The following PALM2AKAP2 variants were observed in gnomAD, a reference collection of about 807,000 sequenced individuals.
The protein encoded by PALM2AKAP2 is PALM2-AKAP2 fusion protein.
A neutral mutation model predicts 71.5 loss-of-function variants in PALM2AKAP2; 37 were observed. The observed-to-expected ratio is 0.52, with a 90% confidence interval of 0.40 to 0.68. PALM2AKAP2 has a LOEUF of 0.68. Ranked by LOEUF, PALM2AKAP2 falls within the 30% of genes least tolerant of loss-of-function variation. PALM2AKAP2 has a pLI of 0.00. For missense variants in PALM2AKAP2, 1,224 were observed against 1,191.8 expected (o/e 1.03, Z -0.40); for synonymous variants, 468 against 478.8 (o/e 0.98, Z 0.29).
At chr9:110,145,705 G>C (rs532476762) in intron 2 of PALM2AKAP2, among the ~76,000 whole-genome samples, 1 of 151,646 alleles carries the variant, frequency 6.6e-6, no homozygotes, top group Non-Finnish European at 1.5e-5. Flanking sequence ...CTTGAAAAAT[G>C]CATGCCATTT....
chr9:109,706,465 A>T (rs62581702), intron 1 of PALM2AKAP2, among the ~76,000 whole-genome samples: 24,598 of 152,230 alleles, frequency 0.16, 2,396 homozygotes, highest in Middle Eastern at 0.32. Flanking sequence ...TGGGGATATA[A>T]AGTGGTGCAG....
intron 1 of PALM2AKAP2, among the ~76,000 whole-genome samples, chr9:109,789,347 C>A (rs1160251396): frequency 6.6e-6 from 1 of 152,200 alleles, no homozygotes; most frequent in Non-Finnish European, 1.5e-5. Context: ...GATTGCTTCT[C>A]ACGTGGGCAA....
At chr9:109,779,052 G>A (rs1829391701), upstream of PALM2AKAP2, among the ~76,000 whole-genome samples, 1 of 152,192 alleles carries the variant, frequency 6.6e-6, no homozygotes, top group African/African-American at 2.4e-5. Flanking sequence ...TTACAGGTGT[G>A]AGCCACCGCA....
At chr9:109,999,702 G>C (rs917809489) in intron 6 of PALM2AKAP2, among the ~76,000 whole-genome samples, 1 of 152,202 alleles carries the variant, frequency 6.6e-6, no homozygotes, top group Non-Finnish European at 1.5e-5. Flanking sequence ...AAGCAGCATC[G>C]ACCAGGAAGC....
chr9:110,009,029 G>A (rs974563052), intron 6 of PALM2AKAP2, among the ~76,000 whole-genome samples: 38 of 152,124 alleles, frequency 2.5e-4, no homozygotes, highest in African/African-American at 8.4e-4. Flanking sequence ...TTGCATGAGC[G>A]GCATTAATGG....
chr9:109,657,223 C>A (rs1044019112), intron 1 of PALM2AKAP2, among the ~76,000 whole-genome samples: 2 of 152,342 alleles, frequency 1.3e-5, no homozygotes, highest in South Asian at 4.1e-4. Context: ...GCAAAGCAAC[C>A]ATTTGTCATT....
intron 1 of PALM2AKAP2, among the ~76,000 whole-genome samples, chr9:110,121,578 G>A (rs1835487823): frequency 6.6e-6 from 1 of 152,212 alleles, no homozygotes; most frequent in Middle Eastern, 3.2e-3. Flanking sequence ...TGTGTTTGAA[G>A]CCAGCCTCTC....
At chr9:109,809,814 C>G (rs1827680359) in intron 1 of PALM2AKAP2, among the ~76,000 whole-genome samples, 1 of 152,108 alleles carries the variant, frequency 6.6e-6, no homozygotes, top group Non-Finnish European at 1.5e-5. Flanking sequence ...GGTGGTTACC[C>G]CATGTTGCTG....
chr9:109,715,369 A>T (rs1176256949), intron 1 of PALM2AKAP2, among the ~76,000 whole-genome samples: 1 of 152,174 alleles, frequency 6.6e-6, no homozygotes, highest in Non-Finnish European at 1.5e-5. Flanking sequence ...CTTGACATTG[A>T]ATTATTCACT....
chr9:109,875,593 G>A (rs369490675), intron 2 of PALM2AKAP2, among the ~76,000 whole-genome samples: 1 of 152,190 alleles, frequency 6.6e-6, no homozygotes, highest in South Asian at 2.1e-4. Flanking sequence ...CATTTGGATA[G>A]TCATAGGTCC....
At chr9:109,889,589 T>A (rs1830040608) in intron 3 of PALM2AKAP2, among the ~76,000 whole-genome samples, 1 of 152,244 alleles carries the variant, frequency 6.6e-6, no homozygotes, top group African/African-American at 2.4e-5. Context: ...AAAATCTAGA[T>A]GCTTAGGGTT....
intron 3 of PALM2AKAP2, among the ~76,000 whole-genome samples, chr9:109,901,591 G>C (rs929584645): frequency 6.6e-6 from 1 of 152,210 alleles, no homozygotes; most frequent in African/African-American, 2.4e-5. Context: ...GCTCACAGGG[G>C]CCTCTGAATG....
intron 6 of PALM2AKAP2, among the ~76,000 whole-genome samples, chr9:110,011,014 A>AAAAT (rs35212981): frequency 0.092 from 6,311 of 68,426 alleles, 637 homozygotes; most frequent in East Asian, 0.14. Flanking sequence ...AAAAAAAAAA[A>AAAAT]ATATATATAT....
intron 7 of PALM2AKAP2, among the ~76,000 whole-genome samples, chr9:110,035,209 G>GTA (rs1310528946): frequency 7.2e-6 from 1 of 139,806 alleles, no homozygotes; most frequent in Non-Finnish European, 1.5e-5. Flanking sequence ...GTGTGTGTGT[G>GTA]TATATATATA....
chr9:109,952,383 G>A (rs1477177699), intron 6 of PALM2AKAP2, among the ~76,000 whole-genome samples: 1 of 152,166 alleles, frequency 6.6e-6, no homozygotes, highest in East Asian at 1.9e-4. Context: ...CACAGAAAAT[G>A]GTTTTCTTTG....
At chr9:109,887,506 T>A (rs1829993110) in intron 3 of PALM2AKAP2, among the ~76,000 whole-genome samples, 2 of 152,232 alleles carry the variant, frequency 1.3e-5, no homozygotes, top group Admixed American at 1.3e-4. Context: ...TATAGTAGTG[T>A]CTCTATATTG....
At chr9:110,074,429 T>C (rs1399893164) in intron 1 of PALM2AKAP2, among the ~76,000 whole-genome samples, 1 of 152,218 alleles carries the variant, frequency 6.6e-6, no homozygotes. Flanking sequence ...TGGATCATTT[T>C]ATTAGTAAGA....
chr9:110,012,914 G>A (rs1416074607), intron 6 of PALM2AKAP2, among the ~76,000 whole-genome samples: 1 of 152,156 alleles, frequency 6.6e-6, no homozygotes, highest in Non-Finnish European at 1.5e-5. Flanking sequence ...AATTATATTA[G>A]CATAGTTAAA....
chr9:109,787,784 AAG>A (rs1310856829), intron 1 of PALM2AKAP2, among the ~76,000 whole-genome samples: 1 of 152,258 alleles, frequency 6.6e-6, no homozygotes, highest in Non-Finnish European at 1.5e-5. Context: ...AAACTTTAAA[AAG>A]ATTGGCAGTC....
Sources: allele counts gnomAD v4.1 joint callset (sites outside exome capture counted in the v4.1 genomes callset), GRCh38; gene constraint gnomAD v4.1.1; transcripts MANE v1.5; gene names NCBI Gene and HGNC (gene_info 2026-07-23, HGNC 2026-07-21).